Variants in CDK14 observed in about 807,000 individuals in gnomAD.
CDK14 encodes the protein cyclin dependent kinase 14.
Under a neutral mutation model 60.7 loss-of-function variants are expected in CDK14, and 34 were observed. The ratio of observed to expected loss-of-function variants is 0.56; its 90% CI spans 0.43 to 0.75. CDK14 has a LOEUF of 0.75. CDK14 is among the 30% of genes least tolerant of loss of function. The pLI, the probability that CDK14 is intolerant of heterozygous loss-of-function variation, is 0.00. For synonymous variants in CDK14, 197 were observed against 203.7 expected (o/e 0.97, Z 0.28); for missense variants, 482 against 564.1 (o/e 0.85, Z 1.47).
rs1007680269 is a variant in CDK14, at chr7:90,917,543, T to A, written c.703-58T>A. On this transcript the variant is annotated intron_variant, in intron 7 of 14. Transcript: ENST00000380050. ...TAATACAAGTACTTAGCAGACTGTA[T>A]GTAGAAACTGGCATTTATCTGTGTT... is the stretch of plus-strand genomic sequence containing the variant. 13 of 1,571,074 alleles carry A rather than the reference T, an allele frequency of 8.3e-6. No individual in the cohort carries two copies. The African/African-American group carries it at 1.6e-4, about 20-fold the overall frequency.
intron 2 of CDK14, among the ~76,000 whole-genome samples, chr7:90,686,815 C>CT (rs981367118): frequency 8.5e-4 from 129 of 152,036 alleles, no homozygotes; most frequent in African/African-American, 2.9e-3. Flanking sequence ...ATCAATGGAA[C>CT]TTTTTTTTGT....
At chr7:90,925,865 G>A (rs1441716810) in intron 8 of CDK14, among the ~76,000 whole-genome samples, 1 of 152,090 alleles carries the variant, frequency 6.6e-6, no homozygotes, top group African/African-American at 2.4e-5. Context: ...GATCTATGTG[G>A]GGAAATTAAA....
At chr7:90,740,264 T>G (rs201590708) in intron 3 of CDK14, among the ~76,000 whole-genome samples, 27 of 114,918 alleles carry the variant, frequency 2.3e-4, no homozygotes, top group South Asian at 5.8e-4. Context: ...TATATATATA[T>G]ATATATAGAG....
intron 12 of CDK14, among the ~76,000 whole-genome samples, chr7:91,098,148 G>T (rs1161868723): frequency 6.6e-6 from 1 of 152,142 alleles, no homozygotes; most frequent in Non-Finnish European, 1.5e-5. Context: ...CTTTCATAAT[G>T]AAAGCATATA....
chr7:90,679,300 A>G (rs1405996101), intron 2 of CDK14, among the ~76,000 whole-genome samples: 2 of 152,212 alleles, frequency 1.3e-5, no homozygotes, highest in African/African-American at 4.8e-5. Flanking sequence ...GATTGGCTTA[A>G]ACTGTATTAA....
At chr7:90,912,718 C>T (rs760914085) in intron 7 of CDK14, among the ~76,000 whole-genome samples, 30 of 152,102 alleles carry the variant, frequency 2.0e-4, no homozygotes, top group Admixed American at 3.3e-4. Flanking sequence ...AGCGATCTTC[C>T]CACCTCAGCC....
At chr7:91,090,472 T>C (rs1044096483) in intron 12 of CDK14, among the ~76,000 whole-genome samples, 1 of 152,192 alleles carries the variant, frequency 6.6e-6, no homozygotes. Flanking sequence ...TTTAATTTCA[T>C]TTAATTTTTA....
At chr7:91,162,939 A>C (rs988309683) in intron 14 of CDK14, among the ~76,000 whole-genome samples, 4 of 152,030 alleles carry the variant, frequency 2.6e-5, no homozygotes, top group African/African-American at 9.7e-5. Flanking sequence ...TTCTCTGGGA[A>C]ATGTTGGGGC....
chr7:91,034,952 A>ACT (rs889921826), intron 10 of CDK14, among the ~76,000 whole-genome samples: 3 of 150,596 alleles, frequency 2.0e-5, no homozygotes, highest in African/African-American at 7.4e-5. Context: ...ACATACACAC[A>ACT]CACACACACA....
At chr7:91,156,533 G>A (rs1330898649) in intron 14 of CDK14, among the ~76,000 whole-genome samples, 5 of 151,944 alleles carry the variant, frequency 3.3e-5, no homozygotes, top group Non-Finnish European at 7.4e-5. Context: ...GAAAGGAAAT[G>A]AATAAAGATG....
At chr7:90,892,170 A>G (rs751225552) in intron 6 of CDK14, among the ~76,000 whole-genome samples, 1 of 152,206 alleles carries the variant, frequency 6.6e-6, no homozygotes, top group Non-Finnish European at 1.5e-5. Flanking sequence ...CCTTGACCCA[A>G]GGTCAGATTC....
chr7:90,990,703 TAGAG>T (rs200884795), intron 10 of CDK14, among the ~76,000 whole-genome samples: 2,230 of 152,268 alleles, frequency 0.015, 53 homozygotes, highest in African/African-American at 0.05. Context: ...TAACAGGAAA[TAGAG>T]AGCCATTTCC....
chr7:91,173,437 A>G (rs747256390), intron 14 of CDK14, among the ~76,000 whole-genome samples: 30 of 151,618 alleles, frequency 2.0e-4, no homozygotes, highest in Non-Finnish European at 3.4e-4. Context: ...CTTAAAAAAA[A>G]AAAGGTGGGG....
intron 2 of CDK14, among the ~76,000 whole-genome samples, chr7:90,640,329 AT>A (rs1160243070): frequency 6.6e-6 from 1 of 152,180 alleles, no homozygotes; most frequent in Non-Finnish European, 1.5e-5. Context: ...AATATTAATA[AT>A]GATAATTAAT....
intron 5 of CDK14, among the ~76,000 whole-genome samples, chr7:90,794,581 G>C (rs1322326078): frequency 2.0e-5 from 3 of 152,218 alleles, no homozygotes; most frequent in Non-Finnish European, 4.4e-5. Context: ...AGAGCAATAT[G>C]GCTCTGTTCT....
At chr7:90,806,484 A>G (rs1221222577) in intron 5 of CDK14, among the ~76,000 whole-genome samples, 1 of 152,224 alleles carries the variant, frequency 6.6e-6, no homozygotes, top group African/African-American at 2.4e-5. Context: ...AAAGAAATAT[A>G]TGAATGGCGA....
At chr7:90,716,915 T>G (rs1191358921) in intron 2 of CDK14, among the ~76,000 whole-genome samples, 1 of 152,010 alleles carries the variant, frequency 6.6e-6, no homozygotes, top group Non-Finnish European at 1.5e-5. Flanking sequence ...CCCAGGGATC[T>G]TGTTAAAATT....
At chr7:90,728,212 T>G in intron 3 of CDK14, among the ~76,000 whole-genome samples, 1 of 152,086 alleles carries the variant, frequency 6.6e-6, no homozygotes, top group East Asian at 1.9e-4. Flanking sequence ...TCATCCCTGG[T>G]GTCATCCTTT....
chr7:90,910,930 C>T (rs919251132), intron 7 of CDK14, among the ~76,000 whole-genome samples: 7 of 152,096 alleles, frequency 4.6e-5, no homozygotes, highest in Admixed American at 1.3e-4. Context: ...CTCTCCCTTC[C>T]CCCACCCTCC....
Sources: allele counts gnomAD v4.1 joint callset (sites outside exome capture counted in the v4.1 genomes callset), GRCh38; gene constraint gnomAD v4.1.1; transcripts MANE v1.5; gene names NCBI Gene and HGNC (gene_info 2026-07-23, HGNC 2026-07-21).